The following RNF135 variants were observed in gnomAD, a reference collection of about 807,000 sequenced individuals.
The protein encoded by RNF135 is ring finger protein 135, also known as E3 ubiquitin-protein ligase RNF135.
Under a neutral mutation model 41.9 loss-of-function variants are expected in RNF135, and 46 were observed. The observed-to-expected ratio is 1.10, with a 90% CI of 0.87 to 1.40. The LOEUF is 1.40. RNF135 is among the 40% of genes most tolerant of loss of function. The pLI, the probability that RNF135 is intolerant of heterozygous loss-of-function variation, is 0.00. For missense variants in RNF135, 539 were observed against 549.8 expected (o/e 0.98, Z 0.20); for synonymous variants, 238 against 223.8 (o/e 1.06, Z -0.57).
chr17:30,982,497 T>C (rs952189), intron 1 of RNF135, among the ~76,000 whole-genome samples: 26,634 of 152,140 alleles, frequency 0.18, 7,306 homozygotes, highest in African/African-American at 0.59. Context: ...GGGATATGGG[T>C]TGCATTGGCA....
intron 3 of RNF135, among the ~76,000 whole-genome samples, chr17:30,989,586 C>T (rs1907842958): frequency 1.3e-5 from 2 of 152,188 alleles, no homozygotes; most frequent in Non-Finnish European, 2.9e-5. Context: ...AGGGTTCTTC[C>T]TCCTGCTCTG....
At chr17:30,991,163 A>G (rs1247971598) in intron 3 of RNF135, among the ~76,000 whole-genome samples, 2 of 151,710 alleles carry the variant, frequency 1.3e-5, no homozygotes, top group Non-Finnish European at 2.9e-5. Flanking sequence ...GTTGTCAAAC[A>G]TTTGTCTTTT....
At chr17:30,986,793 A>C (rs1202799113) in intron 2 of RNF135, among the ~76,000 whole-genome samples, 1 of 152,250 alleles carries the variant, frequency 6.6e-6, no homozygotes, top group Non-Finnish European at 1.5e-5. Context: ...GAGGATTAAA[A>C]GAGGTATAAG....
Position 30,999,110 on chromosome 17 carries a change from C to T in RNF135, c.1218C>T (p.Ala406=), listed in dbSNP as rs1908571888. 6.2e-7 allele frequency: 1 copy of T among 1,614,034 alleles called. No homozygotes were observed. The highest frequency in any genetic ancestry group is 1.3e-5 in the African/African-American group (1 of 74,920). ...EKLLYECTIS[A]SSPLYPAFWL... is the part of the protein sequence containing the mutation. The stretch of plus-strand genomic sequence containing the variant: ...TTCTGTATGAGTGTACCATCTCTGC[C>T]TCCTCTCCTTTGTACCCTGCCTTCT... The change falls in exon 5 of 5, where the codon GCC becomes GCT. Residue 406 remains alanine, a synonymous_variant. Transcript: ENST00000328381.
At chr17:30,961,793 G>T in the RNF135 span, among the ~76,000 whole-genome samples, 1 of 151,916 alleles carries the variant, frequency 6.6e-6, no homozygotes, top group African/African-American at 2.4e-5. Context: ...GATTTTACCT[G>T]GTCTCAAACT....
At chr17:30,985,201 T>C (rs1907501396) in intron 2 of RNF135, among the ~76,000 whole-genome samples, 1 of 152,220 alleles carries the variant, frequency 6.6e-6, no homozygotes. Flanking sequence ...AGGAATTAAA[T>C]GCTGGAGTTC....
chr17:30,983,384 G>T (rs1350372649), intron 1 of RNF135, among the ~76,000 whole-genome samples: 2 of 87,414 alleles, frequency 2.3e-5, no homozygotes, highest in Admixed American at 2.9e-4. Context: ...GATGGAGTCT[G>T]GCCCTGTCGC....
At chr17:30,983,579 C>T (rs1369930270) in intron 1 of RNF135, among the ~76,000 whole-genome samples, 2 of 151,166 alleles carry the variant, frequency 1.3e-5, no homozygotes, top group Admixed American at 1.3e-4. Context: ...ATCTCGAACT[C>T]TTGACCTCAG....
chr17:30,983,998 A>T (rs1228196794), intron 1 of RNF135, among the ~76,000 whole-genome samples: 1 of 151,944 alleles, frequency 6.6e-6, no homozygotes, highest in Admixed American at 6.6e-5. Context: ...AGCGGCAGTG[A>T]TATGTTTTTA....
At chr17:30,983,799 A>T (rs1281820093) in intron 1 of RNF135, among the ~76,000 whole-genome samples, 1 of 151,662 alleles carries the variant, frequency 6.6e-6, no homozygotes, top group Non-Finnish European at 1.5e-5. Context: ...CAACCTAATG[A>T]GTGTGAGGTG....
intron 1 of RNF135, chr17:30,980,161 G>A (rs1411972856): frequency 2.1e-5 from 3 of 140,778 alleles, no homozygotes; most frequent in Non-Finnish European, 3.0e-5. Flanking sequence ...GGGCGGCTGG[G>A]CAGAGGAGCC....
chr17:30,974,347 T>C (rs1409441621), intron 1 of RNF135, among the ~76,000 whole-genome samples: 2 of 152,242 alleles, frequency 1.3e-5, no homozygotes, highest in Non-Finnish European at 2.9e-5. Flanking sequence ...TCTTTGACTT[T>C]GTTTTTTGTT....
rs558037808 is a variant in RNF135 at position 30,988,095 on chromosome 17, C to T, written c.668C>T (p.Ala223Val). 9 of 1,613,922 alleles carry T rather than the reference C, an allele frequency of 5.6e-6. No individual in the cohort carries two copies. Among genetic ancestry groups the T allele is most frequent in the South Asian group, 2.2e-5 (2 of 91,074 alleles). ...GTCACCTGGAAAGAGGCTCCTGAAG[C>T]ACAAATGCAGGGTGAGCTGATCTTA... ...ESVTWKEAPE[A>V]QMQGELLEAP... The change falls in exon 3 of 5, where the codon GCA becomes GTA. Residue 223 changes from alanine (A) to valine (V), a missense_variant. Around this residue, in one of 2 missense-constraint regions of RNF135, gnomAD observed 262 missense variants for 336.9 expected, o/e 0.78. Transcript: ENST00000328381.
chr17:30,963,647 A>G, the RNF135 span, among the ~76,000 whole-genome samples: 7 of 152,166 alleles, frequency 4.6e-5, no homozygotes, highest in African/African-American at 9.7e-5. Context: ...TCTGGATACT[A>G]GGAATACAGA....
Position 30,971,435 on chromosome 17 carries a change from A to C in RNF135, c.362A>C (p.Glu121Ala). The C allele has an allele frequency of 6.6e-7, 1 of 1,512,642 alleles. No individual in the cohort carries two copies. The highest frequency in any genetic ancestry group is 8.8e-7 in the Non-Finnish European group (1 of 1,138,134). 93.7% of individuals were successfully genotyped at this position (1,512,642 alleles called of 1,614,324 possible). ...SAAARPRRRP[E>A]LQRVAVEKSI... ...GCCGCGAGGCCCCGGCGCCGCCCGG[A>C]ACTGCAGCGGGTAGGGAGGCCGGGC... Residue 121 changes from glutamate to alanine, a missense_variant, in exon 1 of 5, where the codon GAA (glutamate) becomes GCA (alanine). By Grantham distance (107) the Glu-to-Ala change is moderately radical. Around this residue, in one of 2 missense-constraint regions of RNF135, gnomAD observed 277 missense variants for 212.8 expected, o/e 1.30. Coordinates refer to ENST00000328381, the MANE Select transcript of RNF135 (RefSeq NM_032322.4).
rs748219196 is a variant in RNF135, at chr17:30,998,659, A to G, written c.770-3A>G. The stretch of plus-strand genomic sequence containing the variant: ...TCTTATTGTTCTTTTTTTTTTTCCA[A>G]AGGGGCCATCCATCCAACCTTTAAC... On this transcript the variant is annotated splice_region_variant and splice_polypyrimidine_tract_variant and intron_variant, in intron 4 of 4. Transcript: ENST00000328381. 1 of 1,613,360 alleles carries G rather than the reference A, an allele frequency of 6.2e-7. No homozygotes were observed. Among genetic ancestry groups the G allele is most frequent in the East Asian group, 2.2e-5 (1 of 44,876 alleles).
In RNF135 at chr17:30,971,112, G is replaced by C; in HGVS notation, c.39G>C (p.Trp13Cys). Residue 13 changes from tryptophan (W) to cysteine (C), a missense_variant, in exon 1 of 5, where the codon TGG becomes TGC. By Grantham distance (215) the Trp-to-Cys change is radical. This residue lies in a region of RNF135 where 277 missense variants were observed against 212.8 expected (regional missense o/e 1.30). Coordinates refer to ENST00000328381, the MANE Select transcript of RNF135 (RefSeq NM_032322.4). The stretch of plus-strand genomic sequence containing the variant: ...GCCTGGGCTCCGCCGTTCCCGTGTG[G>C]CTGGCCGAGGACGACCTCGGCTGCA... ...GLGLGSAVPV[W>C]LAEDDLGCII... 6.5e-7 allele frequency: 1 copy of C among 1,534,362 alleles called. No individual in the cohort carries two copies. Among genetic ancestry groups the C allele is most frequent in the South Asian group, 1.2e-5 (1 of 84,000 alleles).
At chr17:30,963,520 C>T in the RNF135 span, among the ~76,000 whole-genome samples, 4 of 151,584 alleles carry the variant, frequency 2.6e-5, no homozygotes, top group East Asian at 1.9e-4. Context: ...TGCAGTGAGC[C>T]GAGATCGCAC....
rs541874634 is a variant in RNF135 at position 30,999,797 on chromosome 17, C to T, written c.*606C>T. On this transcript the variant is annotated 3_prime_UTR_variant, in exon 5 of 5. Coordinates refer to ENST00000328381, the MANE Select transcript of RNF135 (RefSeq NM_032322.4). ...AGAATTAAGCATTATCCTGAAGACT[C>T]TGCCAGGAGAGGATAATTGGAAGTT... 6.4e-6 allele frequency: 1 copy of T among 155,772 alleles called. No individual in the cohort carries two copies. Among genetic ancestry groups the T allele is most frequent in the East Asian group, 1.9e-4 (1 of 5,240 alleles). 9.6% of individuals were successfully genotyped at this position (155,772 alleles called of 1,614,324 possible). A position where few individuals can be genotyped will look rare whatever the true frequency, so the allele number is the denominator to read the frequency against.
Sources: gnomAD v4.1 joint callset for allele counts (sites outside exome capture counted in the v4.1 genomes callset) on GRCh38, gnomAD v4.1.1 for gene constraint, gnomAD v4.1.1 regional missense constraint, MANE v1.5 for transcripts, NCBI Gene and HGNC (gene_info 2026-07-23, HGNC 2026-07-21) for gene names.